The following SMAD3 variants were observed in gnomAD, a reference collection of about 807,000 sequenced individuals.
SMAD3 encodes MAD homolog 3.
A neutral mutation model predicts 51.8 loss-of-function variants in SMAD3; 12 were observed. The observed-to-expected ratio is 0.23, with a 90% confidence interval of 0.15 to 0.38. The LOEUF is 0.38. Ranked by LOEUF, SMAD3 falls within the 10% of genes least tolerant of loss-of-function variation. SMAD3 has a pLI of 1.00. For missense variants in SMAD3, 294 were observed against 565.6 expected (o/e 0.52, Z 4.87); for synonymous variants, 238 against 227.7 (o/e 1.05, Z -0.41).
chr15:67,116,403 C>A (rs1961135845), intron 1 of SMAD3, among the ~76,000 whole-genome samples: 1 of 152,216 alleles, frequency 6.6e-6, no homozygotes, highest in Admixed American at 6.5e-5. Flanking sequence ...TAAAACTGAT[C>A]ATGTGGCCTC....
intron 1 of SMAD3, among the ~76,000 whole-genome samples, chr15:67,089,558 C>T (rs1566964489): frequency 6.6e-6 from 1 of 152,178 alleles, no homozygotes; most frequent in Non-Finnish European, 1.5e-5. Context: ...AGTTCTTTGA[C>T]AGAGTTCTTT....
At chr15:67,106,325 C>T (rs922208048) in intron 1 of SMAD3, among the ~76,000 whole-genome samples, 2 of 152,226 alleles carry the variant, frequency 1.3e-5, no homozygotes, top group Non-Finnish European at 2.9e-5. Flanking sequence ...CAGGCCTACC[C>T]TGACCTTACG....
At chr15:67,107,965 T>TCCCCCCCCA (rs138958033) in intron 1 of SMAD3, among the ~76,000 whole-genome samples, 1 of 124,640 alleles carries the variant, frequency 8.0e-6, no homozygotes, top group African/African-American at 3.2e-5. Flanking sequence ...TGCTCTCCTC[T>TCCCCCCCCA]CCCCCCCACC....
rs886424408 is a variant in SMAD3 at position 67,161,229 on chromosome 15, G to A, written c.207-3666G>A. On this transcript the variant is annotated intron_variant, in intron 1 of 8. Transcript: ENST00000327367. ...CTTTGGACCTTTGTTGAAGCCAGTC[G>A]TCCATATATATGTAACTATTTCTGG... Among the ~76,000 whole-genome samples the A allele has an allele frequency of 6.6e-5, 10 of 152,258 alleles. No individual in the cohort carries two copies. The South Asian group carries it at 1.2e-3, about 19-fold the overall frequency.
intron 1 of SMAD3, among the ~76,000 whole-genome samples, chr15:67,147,397 G>A (rs1057445766): frequency 6.6e-6 from 1 of 152,128 alleles, no homozygotes; most frequent in African/African-American, 2.4e-5. Flanking sequence ...CAGTTACACC[G>A]ACAGCTGAGT....
intron 8 of SMAD3, 141 bp from the exon 9 acceptor site, chr15:67,190,272 A>T (rs762743926): frequency 2.3e-5 from 17 of 751,650 alleles, no homozygotes; most frequent in Non-Finnish European, 3.6e-5. Context: ...TCAGCAAGTT[A>T]CTGGTACCGC....
intron 1 of SMAD3, among the ~76,000 whole-genome samples, chr15:67,115,067 G>C (rs1383588057): frequency 2.0e-5 from 3 of 152,138 alleles, no homozygotes; most frequent in African/African-American, 7.2e-5. Flanking sequence ...TCACCCTGTT[G>C]GTTGGGATCT....
At chr15:67,081,172 C>T (rs559523275) in intron 1 of SMAD3, among the ~76,000 whole-genome samples, 3 of 152,144 alleles carry the variant, frequency 2.0e-5, no homozygotes, top group Admixed American at 6.5e-5. Flanking sequence ...GATGCATTTC[C>T]CCTTTTGCTA....
chr15:67,165,803 C>A lies in SMAD3; in HGVS notation c.532+419C>A, dbSNP rs988331694. Among the ~76,000 whole-genome samples, 9 of 152,298 alleles carry A rather than the reference C, an allele frequency of 5.9e-5. No individual in the cohort carries two copies. In the East Asian group the frequency reaches 1.2e-3, roughly 20 times the overall value. On this transcript the variant is annotated intron_variant, in intron 3 of 8. Coordinates refer to ENST00000327367, the MANE Select transcript of SMAD3 (RefSeq NM_005902.4). Reference sequence around the variant, plus strand: ...AGCTGGCTCTGTAAATTCGCCTGGGCATCAGGCCTCGGTGAGGGGCTCCAA... The same window carrying A: ...AGCTGGCTCTGTAAATTCGCCTGGGAATCAGGCCTCGGTGAGGGGCTCCAA...
chr15:67,125,582 T>C (rs1386859051), intron 1 of SMAD3: 1 of 418,650 alleles, frequency 2.4e-6, no homozygotes, highest in African/African-American at 2.2e-5. Flanking sequence ...CTTTTCACTT[T>C]AATAGCTTAA....
chr15:67,105,582 G>C (rs1960859055), intron 1 of SMAD3, among the ~76,000 whole-genome samples: 1 of 152,226 alleles, frequency 6.6e-6, no homozygotes, highest in South Asian at 2.1e-4. Context: ...AATGGCTACT[G>C]TATATACCAG....
intron 8 of SMAD3, among the ~76,000 whole-genome samples, chr15:67,188,154 T>C (rs201518573): frequency 0.44 from 61,035 of 137,836 alleles, 12,826 homozygotes; most frequent in Non-Finnish European, 0.49. Flanking sequence ...TTTTCTTTTT[T>C]TTTTTTTTTT....
rs765454938 is a variant in SMAD3 at position 67,066,181 on chromosome 15, C to T, written c.27C>T (p.Pro9=). 60 of 1,608,520 alleles carry T rather than the reference C, an allele frequency of 3.7e-5. 2 individuals carry two copies. The South Asian group carries it at 6.1e-4, about 16-fold the overall frequency. Residue 9 remains proline (P), a synonymous_variant, in exon 1 of 9, where the codon CCC becomes CCT. Coordinates refer to ENST00000327367, the MANE Select transcript of SMAD3 (RefSeq NM_005902.4). The stretch of plus-strand genomic sequence containing the variant: ...TGTCGTCCATCCTGCCTTTCACTCC[C>T]CCGATCGTGAAGCGCCTGCTGGGCT... MSSILPFT[P]PIVKRLLGWK...
intron 1 of SMAD3, among the ~76,000 whole-genome samples, chr15:67,088,828 G>T (rs1443896361): frequency 2.6e-5 from 4 of 152,210 alleles, no homozygotes; most frequent in African/African-American, 9.7e-5. Flanking sequence ...TCAGGAGGCT[G>T]AGGCAGGAGA....
intron 1 of SMAD3, among the ~76,000 whole-genome samples, chr15:67,135,231 C>T (rs1467269931): frequency 6.6e-6 from 1 of 152,124 alleles, no homozygotes; most frequent in Non-Finnish European, 1.5e-5. Context: ...GAGAGGGTGA[C>T]CCCCAGTGAG....
chr15:67,185,712 G>T (rs1235714974), intron 7 of SMAD3, among the ~76,000 whole-genome samples: 1 of 152,118 alleles, frequency 6.6e-6, no homozygotes, highest in African/African-American at 2.4e-5. Flanking sequence ...TGGACAGCAA[G>T]ATCAGGCAGG....
Position 67,190,936 on chromosome 15 carries a change from G to A in SMAD3, c.*400G>A, listed in dbSNP as rs1051556350. 4 of 303,332 alleles carry A rather than the reference G, an allele frequency of 1.3e-5. No homozygotes were observed. In the East Asian group the frequency reaches 1.9e-4, roughly 14 times the overall value. The allele number at this position is 303,332 out of a possible 1,614,324, so 18.8% of individuals were successfully genotyped here. On this transcript the variant is annotated 3_prime_UTR_variant, in exon 9 of 9. Transcript: ENST00000327367. Reference sequence around the variant, plus strand: ...TGCAGTGTGGAGTTCACCTTGGAAGGGCGTTCTAGGTAGGAAGAGCCCGCA... The same window carrying A: ...TGCAGTGTGGAGTTCACCTTGGAAGAGCGTTCTAGGTAGGAAGAGCCCGCA...
intron 5 of SMAD3, among the ~76,000 whole-genome samples, chr15:67,177,732 TG>T (rs1396009683): frequency 8.8e-6 from 1 of 114,062 alleles, no homozygotes; most frequent in Non-Finnish European, 1.8e-5. Flanking sequence ...TCTGTTTTTT[TG>T]TTTTTTTTTT....
chr15:67,130,827 T>C (rs1961507690), intron 1 of SMAD3, among the ~76,000 whole-genome samples: 1 of 152,022 alleles, frequency 6.6e-6, no homozygotes, highest in South Asian at 2.1e-4. Context: ...TAATCACAGG[T>C]TCTGCCTGAA....
Sources: gnomAD v4.1 joint callset for allele counts (sites outside exome capture counted in the v4.1 genomes callset) on GRCh38, gnomAD v4.1.1 for gene constraint, MANE v1.5 for transcripts, NCBI Gene and HGNC (gene_info 2026-07-23, HGNC 2026-07-21) for gene names.